Variants in MRPL44 observed in about 807,000 individuals in gnomAD.
MRPL44 encodes large ribosomal subunit protein mL44.
A neutral mutation model predicts 25.9 loss-of-function variants in MRPL44; 21 were observed. That is an observed-to-expected ratio of 0.81 (90% confidence interval 0.58 to 1.17). The LOEUF is 1.17. Ranked by LOEUF, MRPL44 falls within the 50% of genes most tolerant of loss-of-function variation. MRPL44 has a pLI of 0.00. For synonymous variants in MRPL44, 169 were observed against 151.0 expected, an observed-to-expected ratio of 1.12 and a Z score of -0.87; for missense variants, 410 against 398.9, an observed-to-expected ratio of 1.03 and a Z score of -0.24.
Position 223,959,519 on chromosome 2 carries a change from T to A in MRPL44, c.180-15T>A. 1 of 1,586,462 alleles carries A rather than the reference T, an allele frequency of 6.3e-7. No individual in the cohort carries two copies. Among genetic ancestry groups the A allele is most frequent in the African/African-American group, 1.4e-5 (1 of 73,690 alleles). Reference sequence around the variant, plus strand: ...TTGTTCTCTTTACCATCTCTTACTGTCTTTACATTTTCAGTTCAGAGAAGC... The same window carrying A: ...TTGTTCTCTTTACCATCTCTTACTGACTTTACATTTTCAGTTCAGAGAAGC... On this transcript the variant is annotated splice_polypyrimidine_tract_variant and intron_variant, in intron 1 of 3. Coordinates refer to ENST00000258383, the MANE Select transcript of MRPL44 (RefSeq NM_022915.5).
At chr2:223,960,375 C>G (rs1364775234) in intron 2 of MRPL44, among the ~76,000 whole-genome samples, 1 of 152,188 alleles carries the variant, frequency 6.6e-6, no homozygotes, top group African/African-American at 2.4e-5. Context: ...TCTGCTCTTC[C>G]AAGTGATGAA....
chr2:223,957,559 G>A lies in MRPL44; in HGVS notation c.87G>A (p.Arg29=), dbSNP rs1574792863. The change falls in exon 1 of 4, where the codon CGG becomes CGA. Residue 29 remains arginine (R), a synonymous_variant. Coordinates refer to ENST00000258383, the MANE Select transcript of MRPL44 (RefSeq NM_022915.5). ...PVAPKLVPPV[R]GVKKGFRAAF... is the part of the protein sequence containing the mutation. ...CCCCCAAGCTGGTCCCTCCGGTTCG[G>A]GGAGTGAAGAAGGGATTCCGCGCCG... 6.2e-7 allele frequency: 1 copy of A among 1,613,884 alleles called. No homozygotes were observed. The highest frequency in any genetic ancestry group is 8.5e-7 in the Non-Finnish European group (1 of 1,180,038).
chr2:223,957,524 G>A lies in MRPL44; in HGVS notation c.52G>A (p.Ala18Thr), dbSNP rs1230563666. Residue 18 changes from alanine to threonine, a missense_variant, in exon 1 of 4, where the codon GCT (alanine) becomes ACT (threonine). Transcript: ENST00000258383. The stretch of plus-strand genomic sequence containing the variant: ...GCAGCAGGGACATCGCTGCCTCCTG[G>A]CTCCAGTCGCCCCCAAGCTGGTCCC... ...LLQQGHRCLL[A>T]PVAPKLVPPV... 6.2e-7 allele frequency: 1 copy of A among 1,613,958 alleles called. No homozygotes were observed. Among genetic ancestry groups the A allele is most frequent in the South Asian group, 1.1e-5 (1 of 91,096 alleles).
At chr2:223,951,993 G>A in the MRPL44 span, among the ~76,000 whole-genome samples, 1 of 152,188 alleles carries the variant, frequency 6.6e-6, no homozygotes, top group Non-Finnish European at 1.5e-5. Context: ...TAATGGGTCA[G>A]CATTCTAATG....
chr2:223,963,764 A>G lies in MRPL44; in HGVS notation c.657A>G (p.Leu219=). Residue 219 remains leucine (L), a synonymous_variant, in exon 3 of 4, where the codon TTA becomes TTG. Coordinates refer to ENST00000258383, the MANE Select transcript of MRPL44 (RefSeq NM_022915.5). ...TATATTTTTATATGCAGGACTTCTTAATTACTCAAATGACTGGAAAAGAGC... is the reference window on the plus strand; with the variant it reads ...TATATTTTTATATGCAGGACTTCTTGATTACTCAAATGACTGGAAAAGAGC... ...ERTALFIRDF[L]ITQMTGKELF... 6.3e-7 allele frequency: 1 copy of G among 1,587,850 alleles called. No homozygotes were observed. The highest frequency in any genetic ancestry group is 8.6e-7 in the Non-Finnish European group (1 of 1,169,074).
At chr2:223,955,243 G>GT (rs150589579), upstream of MRPL44, among the ~76,000 whole-genome samples, 765 of 152,308 alleles carry the variant, frequency 5.0e-3, 8 homozygotes, top group African/African-American at 0.018. Flanking sequence ...TTGAACAGAT[G>GT]TAACTTTGGT....
chr2:223,957,122 C>T (rs1345613736), upstream of MRPL44, among the ~76,000 whole-genome samples: 1 of 152,196 alleles, frequency 6.6e-6, no homozygotes, highest in Non-Finnish European at 1.5e-5. Flanking sequence ...AACCTGAAAG[C>T]GAAACAGATT....
At chr2:223,959,283 A>T (rs1172458350) in intron 1 of MRPL44, among the ~76,000 whole-genome samples, 1 of 152,232 alleles carries the variant, frequency 6.6e-6, no homozygotes, top group African/African-American at 2.4e-5. Flanking sequence ...TATATTGAAG[A>T]ACCAATTTCA....
chr2:223,959,614 T>G lies in MRPL44; in HGVS notation c.260T>G (p.Leu87Arg), dbSNP rs1300810399. ...HRLQENFSLD[L>R]LKTAFVNSCY... ...TTACAGGAAAACTTTTCCTTAGATC[T>G]TCTCAAAACTGCATTTGTTAATAGC... The change falls in exon 2 of 4, where the codon CTT (leucine) becomes CGT (arginine). Residue 87 changes from leucine (L) to arginine (R), a missense_variant. By Grantham distance (102) the Leu-to-Arg change is moderately radical (BLOSUM62 -2). Coordinates refer to ENST00000258383, the MANE Select transcript of MRPL44 (RefSeq NM_022915.5). 6.2e-7 allele frequency: 1 copy of G among 1,614,218 alleles called. No individual in the cohort carries two copies. Among genetic ancestry groups the G allele is most frequent in the Non-Finnish European group, 8.5e-7 (1 of 1,180,042 alleles).
upstream of MRPL44, among the ~76,000 whole-genome samples, chr2:223,952,857 G>A (rs1370724563): frequency 6.6e-6 from 1 of 152,130 alleles, no homozygotes; most frequent in Non-Finnish European, 1.5e-5. Context: ...CAGTCCTGGA[G>A]TCTTTCTGAA....
upstream of MRPL44, among the ~76,000 whole-genome samples, chr2:223,952,967 G>T (rs531196676): frequency 5.0e-4 from 76 of 152,244 alleles, no homozygotes; most frequent in Non-Finnish European, 9.6e-4. Context: ...CCATCATGAG[G>T]ATTGTAGGAC....
intron 2 of MRPL44, among the ~76,000 whole-genome samples, chr2:223,962,145 A>G (rs1689670723): frequency 2.6e-5 from 4 of 152,070 alleles, no homozygotes; most frequent in Non-Finnish European, 4.4e-5. Flanking sequence ...CCATCCTCCT[A>G]TATTAGCCTC....
chr2:223,953,127 C>A (rs1302833037), upstream of MRPL44, among the ~76,000 whole-genome samples: 1 of 151,358 alleles, frequency 6.6e-6, no homozygotes, highest in East Asian at 1.9e-4. Flanking sequence ...TCCAGATTAT[C>A]CAGATTCTTT....
At chr2:223,952,443 C>T in the MRPL44 span, among the ~76,000 whole-genome samples, 2 of 152,098 alleles carry the variant, frequency 1.3e-5, no homozygotes, top group Non-Finnish European at 2.9e-5. Context: ...TCTCTTAGGC[C>T]TTTCAGTTCT....
At chr2:223,952,998 C>T (rs550757026), upstream of MRPL44, among the ~76,000 whole-genome samples, 3 of 152,012 alleles carry the variant, frequency 2.0e-5, no homozygotes, top group South Asian at 2.1e-4. Flanking sequence ...GAGAATATGA[C>T]GTTACATATG....
At position 223,963,899 on chromosome 2, in the gene MRPL44, C is replaced by T. The variant is rs147648115; in HGVS notation, c.792C>T (p.Thr264=). 131 of 1,613,456 alleles carry T rather than the reference C, an allele frequency of 8.1e-5. No individual in the cohort carries two copies. The highest frequency in any genetic ancestry group is 1.0e-4 in the Non-Finnish European group (119 of 1,179,740). The change falls in exon 3 of 4, where the codon ACC becomes ACT. Residue 264 remains threonine (T), a synonymous_variant. Transcript: ENST00000258383. Reference sequence around the variant, plus strand: ...GACTTACTAGGCAGTCTGGTGGCACCACAGCTTTGCCTTTGTATTTTGTTG... The same window carrying T: ...GACTTACTAGGCAGTCTGGTGGCACTACAGCTTTGCCTTTGTATTTTGTTG... ...ESRLTRQSGG[T]TALPLYFVGL...
At chr2:223,955,810 G>C (rs2106114233), upstream of MRPL44, among the ~76,000 whole-genome samples, 1 of 152,282 alleles carries the variant, frequency 6.6e-6, no homozygotes, top group African/African-American at 2.4e-5. Flanking sequence ...AAAGTTTTCT[G>C]AGCCTGGATC....
At chr2:223,960,327 A>G (rs1201836050) in intron 2 of MRPL44, among the ~76,000 whole-genome samples, 2 of 152,194 alleles carry the variant, frequency 1.3e-5, no homozygotes, top group Non-Finnish European at 2.9e-5. Context: ...AAGTCAAAGG[A>G]CACTATGCAG....
chr2:223,963,721 TA>T (rs774811020), intron 2 of MRPL44, 34 bp from the exon 3 acceptor site: 38 of 1,340,450 alleles, frequency 2.8e-5, no homozygotes, highest in Non-Finnish European at 3.7e-5. Context: ...TTCTTTCTAC[TA>T]ATTAAAATGT....
Sources: allele counts gnomAD v4.1 joint callset (sites outside exome capture counted in the v4.1 genomes callset), GRCh38; gene constraint gnomAD v4.1.1; transcripts MANE v1.5; gene names NCBI Gene and HGNC (gene_info 2026-07-23, HGNC 2026-07-21).